BCHE: variants seen among roughly 807,000 people sequenced by gnomAD.
The protein encoded by BCHE is cholinesterase.
In BCHE, 48 loss-of-function variants were observed where a neutral mutation model predicts 51.3. The ratio of observed to expected loss-of-function variants is 0.94; its 90% CI spans 0.74 to 1.19. BCHE has a LOEUF of 1.19. Ranked by LOEUF, BCHE falls within the 50% of genes most tolerant of loss-of-function variation. The probability of loss-of-function intolerance (pLI) is 0.00; values close to 1 mark genes in which losing one functional copy is unlikely to be tolerated. For missense variants in BCHE, 847 were observed against 708.2 expected (o/e 1.20, Z -2.23); for synonymous variants, 251 against 238.0 (o/e 1.05, Z -0.50).
chr3:165,814,984 A>T (rs192613405), intron 2 of BCHE, among the ~76,000 whole-genome samples: 279 of 148,624 alleles, frequency 1.9e-3, no homozygotes, highest in African/African-American at 6.6e-3. Context: ...GTGTTAGTAA[A>T]TATTTATAAT....
At chr3:165,831,237 T>C (rs1234142007) in intron 1 of BCHE, among the ~76,000 whole-genome samples, 196 bp from the exon 2 acceptor site, 1 of 151,558 alleles carries the variant, frequency 6.6e-6, no homozygotes, top group African/African-American at 2.4e-5. Context: ...GAAAAAAAAA[T>C]AGTGGAATGG....
chr3:165,807,056 A>C (rs1713895742), intron 2 of BCHE, among the ~76,000 whole-genome samples: 1 of 152,080 alleles, frequency 6.6e-6, no homozygotes, highest in South Asian at 2.1e-4. Context: ...GGTGGAGCGG[A>C]GTAGGAAATG....
intron 3 of BCHE, among the ~76,000 whole-genome samples, chr3:165,777,354 AAAT>A (rs71674639): frequency 0.18 from 27,616 of 151,660 alleles, 2,488 homozygotes; most frequent in Middle Eastern, 0.2. Context: ...AATGTGTTAA[AAAT>A]AATGTGTTAC....
At chr3:165,799,815 T>C (rs971501432) in intron 2 of BCHE, among the ~76,000 whole-genome samples, 17 of 152,074 alleles carry the variant, frequency 1.1e-4, no homozygotes, top group Non-Finnish European at 2.4e-4. Context: ...TTAACCAAAA[T>C]AATTTCAAAT....
At chr3:165,803,803 T>G (rs1713759681) in intron 2 of BCHE, among the ~76,000 whole-genome samples, 1 of 152,100 alleles carries the variant, frequency 6.6e-6, no homozygotes, top group African/African-American at 2.4e-5. Context: ...ATATAAAGTT[T>G]GAAATGCATA....
At chr3:165,778,861 TCAA>T in intron 3 of BCHE, 1 of 225,048 alleles carries the variant, frequency 4.4e-6, no homozygotes. Context: ...TAGTTAACTG[TCAA>T]CTACCTAGGA....
chr3:165,797,106 CCCTT>C (rs1450439851), intron 2 of BCHE, among the ~76,000 whole-genome samples: 2 of 150,414 alleles, frequency 1.3e-5, no homozygotes, highest in Non-Finnish European at 3.0e-5. Context: ...CTTTTTCTTT[CCCTT>C]CCTTCCTTCT....
intron 2 of BCHE, among the ~76,000 whole-genome samples, chr3:165,815,485 A>C (rs1003939943): frequency 2.6e-5 from 4 of 152,128 alleles, no homozygotes; most frequent in South Asian, 2.1e-4. Flanking sequence ...GGATGATGAT[A>C]CTTCTTTAGA....
At chr3:165,796,140 A>T (rs1337435491) in intron 2 of BCHE, among the ~76,000 whole-genome samples, 1 of 152,210 alleles carries the variant, frequency 6.6e-6, no homozygotes, top group Non-Finnish European at 1.5e-5. Flanking sequence ...TAGGAAGAAG[A>T]CATACTAGCT....
chr3:165,813,742 TA>T (rs1299003485), intron 2 of BCHE, among the ~76,000 whole-genome samples: 1 of 151,948 alleles, frequency 6.6e-6, no homozygotes, highest in Non-Finnish European at 1.5e-5. Flanking sequence ...ATTTAGTAGA[TA>T]ATCATTTATC....
chr3:165,831,048 G>A lies in BCHE; in HGVS notation c.-8-7C>T, dbSNP rs377659208. On this transcript the variant is annotated splice_polypyrimidine_tract_variant and splice_region_variant and intron_variant, in intron 1 of 3. Transcript: ENST00000264381. ...TTGCTATGCATATTGATTTCTGAAA[G>A]AGAGGTAAGTATAATGTTTTATAAG... 2 of 1,600,666 alleles carry A rather than the reference G, an allele frequency of 1.2e-6. No homozygotes were observed. The highest frequency in any genetic ancestry group is 1.7e-6 in the Non-Finnish European group (2 of 1,172,912).
intron 2 of BCHE, among the ~76,000 whole-genome samples, chr3:165,787,088 GT>G (rs1403839838): frequency 5.9e-5 from 9 of 151,440 alleles, no homozygotes; most frequent in African/African-American, 9.7e-5. Flanking sequence ...CCAATTTTAT[GT>G]GTCTAAACTC....
intron 3 of BCHE, chr3:165,778,665 A>T (rs1212035579): frequency 4.4e-6 from 2 of 452,726 alleles, no homozygotes; most frequent in South Asian, 1.6e-5. Context: ...GTGAGTAAGC[A>T]GACCCTGTCA....
At chr3:165,825,681 T>C (rs1436943973) in intron 2 of BCHE, among the ~76,000 whole-genome samples, 1 of 151,982 alleles carries the variant, frequency 6.6e-6, no homozygotes, top group Non-Finnish European at 1.5e-5. Context: ...CAGGTATATC[T>C]CCTAATGCTA....
intron 2 of BCHE, among the ~76,000 whole-genome samples, chr3:165,822,826 C>T (rs539067493): frequency 2.0e-5 from 3 of 152,228 alleles, no homozygotes; most frequent in African/African-American, 7.2e-5. Context: ...TGGTCTTTCT[C>T]ATAACCCAAG....
At chr3:165,786,360 A>C in intron 2 of BCHE, 49 bp from the exon 3 acceptor site, 1 of 1,490,488 alleles carries the variant, frequency 6.7e-7, no homozygotes, top group South Asian at 1.2e-5. Flanking sequence ...TCATTGTTAG[A>C]TTAAAAAGAA....
intron 2 of BCHE, among the ~76,000 whole-genome samples, chr3:165,803,594 A>T (rs1187561299): frequency 1.3e-5 from 2 of 152,172 alleles, no homozygotes; most frequent in Admixed American, 1.3e-4. Flanking sequence ...ATTATAAACA[A>T]TGTACACTCT....
intron 2 of BCHE, among the ~76,000 whole-genome samples, chr3:165,827,230 C>T (rs1210114077): frequency 2.0e-5 from 3 of 152,030 alleles, no homozygotes; most frequent in African/African-American, 7.2e-5. Context: ...CAACCCTTAA[C>T]ACAAATATAT....
At chr3:165,792,127 T>G in intron 2 of BCHE, among the ~76,000 whole-genome samples, 1 of 152,082 alleles carries the variant, frequency 6.6e-6, no homozygotes, top group Non-Finnish European at 1.5e-5. Context: ...AGTTCTTACT[T>G]AACATGCATT....
Sources: allele counts gnomAD v4.1 joint callset (sites outside exome capture counted in the v4.1 genomes callset), GRCh38; gene constraint gnomAD v4.1.1; transcripts MANE v1.5; gene names NCBI Gene and HGNC (gene_info 2026-07-23, HGNC 2026-07-21).